RANBP2: variants seen among roughly 807,000 people sequenced by gnomAD.
The protein encoded by RANBP2 is RAN binding protein 2.
A neutral mutation model predicts 303.6 loss-of-function variants in RANBP2; 57 were observed. That is an observed-to-expected ratio of 0.19 (90% CI 0.15 to 0.23). RANBP2 has a LOEUF of 0.23. Ranked by LOEUF, RANBP2 falls within the 10% of genes least tolerant of loss-of-function variation. The pLI is 1.00. For synonymous variants in RANBP2, 1,167 were observed against 1,301.5 expected (o/e 0.90, Z 2.23); for missense variants, 3,138 against 3,780.8 (o/e 0.83, Z 4.46).
the RANBP2 span, among the ~76,000 whole-genome samples, chr2:108,824,898 T>C: frequency 6.6e-6 from 1 of 152,208 alleles, no homozygotes; most frequent in African/African-American, 2.4e-5. Flanking sequence ...CATTGTTATA[T>C]GTGGTCAGTT....
At chr2:109,603,695 G>T in the RANBP2 span, among the ~76,000 whole-genome samples, 1 of 152,106 alleles carries the variant, frequency 6.6e-6, no homozygotes, top group South Asian at 2.1e-4. Flanking sequence ...GACACTCAGG[G>T]TATAATGAAA....
chr2:109,354,628 A>G, the RANBP2 span, among the ~76,000 whole-genome samples: 1 of 152,210 alleles, frequency 6.6e-6, no homozygotes, highest in African/African-American at 2.4e-5. Context: ...GTGAGCTGCG[A>G]TATTTGCCAA....
chr2:109,527,780 G>A, the RANBP2 span, among the ~76,000 whole-genome samples: 1 of 152,250 alleles, frequency 6.6e-6, no homozygotes, highest in Non-Finnish European at 1.5e-5. Flanking sequence ...CTGACAGGTC[G>A]CCAATCTTAG....
At chr2:108,911,106 G>A in the RANBP2 span, 1 of 1,613,688 alleles carries the variant, frequency 6.2e-7, no homozygotes, top group Non-Finnish European at 8.5e-7. Flanking sequence ...ATGACCCAGA[G>A]CTCAGGATCC....
chr2:109,290,843 C>G, the RANBP2 span, among the ~76,000 whole-genome samples: 1 of 152,250 alleles, frequency 6.6e-6, no homozygotes, highest in Non-Finnish European at 1.5e-5. Context: ...TTTTCCATCC[C>G]TGATTTAAGG....
the RANBP2 span, among the ~76,000 whole-genome samples, chr2:108,830,121 C>G: frequency 3.3e-5 from 5 of 152,096 alleles, no homozygotes; most frequent in African/African-American, 4.8e-5. Flanking sequence ...CATGAATGAA[C>G]CCTGAAGCTA....
the RANBP2 span, among the ~76,000 whole-genome samples, chr2:109,689,557 T>G: frequency 1.3e-5 from 2 of 152,212 alleles, no homozygotes; most frequent in African/African-American, 4.8e-5. Context: ...CTGGTAAGAT[T>G]TGCAAGGAGC....
intron 9 of RANBP2, among the ~76,000 whole-genome samples, chr2:108,750,673 C>T (rs1269557544): frequency 2.6e-5 from 4 of 151,816 alleles, no homozygotes; most frequent in Admixed American, 1.3e-4. Context: ...CTGCAACTTC[C>T]GCCTGCCAGG....
the RANBP2 span, among the ~76,000 whole-genome samples, chr2:109,031,218 C>T: frequency 6.6e-6 from 1 of 152,086 alleles, no homozygotes; most frequent in Non-Finnish European, 1.5e-5. Context: ...GGCTGGAAGT[C>T]CACCATCAAG....
chr2:109,017,210 A>G, the RANBP2 span, among the ~76,000 whole-genome samples: 1 of 152,368 alleles, frequency 6.6e-6, no homozygotes, highest in East Asian at 1.9e-4. Flanking sequence ...CTCATGCCAC[A>G]AACAACTGGT....
the RANBP2 span, among the ~76,000 whole-genome samples, chr2:109,340,864 G>A: frequency 6.6e-6 from 1 of 151,884 alleles, no homozygotes; most frequent in Non-Finnish European, 1.5e-5. Context: ...GATGCAACAG[G>A]GAAACAGGCC....
At chr2:109,371,962 G>C in the RANBP2 span, among the ~76,000 whole-genome samples, 1 of 152,266 alleles carries the variant, frequency 6.6e-6, no homozygotes, top group East Asian at 1.9e-4. Context: ...CACCTTCCCC[G>C]TTTTCTCAAG....
At chr2:108,820,584 A>C in the RANBP2 span, among the ~76,000 whole-genome samples, 1 of 152,156 alleles carries the variant, frequency 6.6e-6, no homozygotes, top group East Asian at 1.9e-4. Flanking sequence ...GAATCTTTTA[A>C]ATTGACAAGA....
chr2:109,276,702 T>A, the RANBP2 span, among the ~76,000 whole-genome samples: 1 of 152,224 alleles, frequency 6.6e-6, no homozygotes. Flanking sequence ...CCTTTTTGGC[T>A]TGTTTTAAAT....
At chr2:108,891,517 T>C in the RANBP2 span, among the ~76,000 whole-genome samples, 2 of 152,130 alleles carry the variant, frequency 1.3e-5, no homozygotes, top group East Asian at 1.9e-4. Flanking sequence ...GTACTAGGGA[T>C]TGGGATGCCA....
At chr2:108,809,038 G>T in the RANBP2 span, among the ~76,000 whole-genome samples, 1 of 152,100 alleles carries the variant, frequency 6.6e-6, no homozygotes, top group Admixed American at 6.6e-5. Flanking sequence ...TAGGCATATG[G>T]ATATCCATTT....
At chr2:108,924,897 G>T in the RANBP2 span, among the ~76,000 whole-genome samples, 3 of 152,234 alleles carry the variant, frequency 2.0e-5, no homozygotes, top group Admixed American at 1.3e-4. Context: ...GGGCATGTGG[G>T]CCAGACCAGG....
chr2:109,519,488 G>C, the RANBP2 span, among the ~76,000 whole-genome samples: 1 of 152,200 alleles, frequency 6.6e-6, no homozygotes, highest in African/African-American at 2.4e-5. Context: ...TCATCCTGTT[G>C]TTAAAAGAAC....
chr2:109,085,524 C>T, the RANBP2 span, among the ~76,000 whole-genome samples: 4 of 151,222 alleles, frequency 2.6e-5, no homozygotes, highest in East Asian at 7.8e-4. Context: ...AGGATGGTCT[C>T]AATCTCCTGA....
Sources: gnomAD v4.1 joint callset for allele counts (sites outside exome capture counted in the v4.1 genomes callset) on GRCh38, gnomAD v4.1.1 for gene constraint, MANE v1.5 for transcripts, NCBI Gene and HGNC (gene_info 2026-07-23, HGNC 2026-07-21) for gene names.